HSD17B3: variants seen among roughly 807,000 people sequenced by gnomAD.
HSD17B3 encodes the protein 17-beta-hydroxysteroid dehydrogenase type 3.
In HSD17B3, 29 loss-of-function variants were observed where a neutral mutation model predicts 41.1. That is an observed-to-expected ratio of 0.71 (90% CI 0.53 to 0.96). The LOEUF is 0.96. Among genes scored for constraint, HSD17B3 ranks in the 40% least tolerant of loss-of-function variants. HSD17B3 has a pLI of 0.00. For missense variants in HSD17B3, 323 were observed against 374.6 expected (o/e 0.86, Z 1.14); for synonymous variants, 126 against 145.6 (o/e 0.87, Z 0.97).
chr9:96,295,311 A>G (rs1827313761), intron 2 of HSD17B3, among the ~76,000 whole-genome samples: 1 of 148,322 alleles, frequency 6.7e-6, no homozygotes, highest in Non-Finnish European at 1.5e-5. Flanking sequence ...GGCCACAAGG[A>G]GTTTTTTGGT....
chr9:96,268,315 G>A (rs1826115272), intron 2 of HSD17B3, among the ~76,000 whole-genome samples: 2 of 151,730 alleles, frequency 1.3e-5, no homozygotes, highest in African/African-American at 4.8e-5. Context: ...TCCTGCTTAG[G>A]TTTTTTTAAA....
At chr9:96,263,972 T>C (rs191275678) in intron 2 of HSD17B3, among the ~76,000 whole-genome samples, 1 of 152,238 alleles carries the variant, frequency 6.6e-6, no homozygotes, top group East Asian at 1.9e-4. Context: ...TTCTTTAAAA[T>C]TGATGAGAAC....
intron 2 of HSD17B3, among the ~76,000 whole-genome samples, chr9:96,264,016 AT>A (rs1436084035): frequency 6.6e-6 from 1 of 152,174 alleles, no homozygotes; most frequent in South Asian, 2.1e-4. Flanking sequence ...AAAAATAAGT[AT>A]GTGAAGTAAT....
At chr9:96,245,469 A>G in intron 7 of HSD17B3, 43 bp from the exon 8 acceptor site, 2 of 1,457,834 alleles carry the variant, frequency 1.4e-6, no homozygotes, top group East Asian at 2.3e-5. Context: ...TTGTTGCCCT[A>G]CCTGACCTTG....
chr9:96,274,245 C>T (rs917242816), intron 2 of HSD17B3, among the ~76,000 whole-genome samples: 1 of 152,076 alleles, frequency 6.6e-6, no homozygotes, highest in Admixed American at 6.5e-5. Flanking sequence ...TCGAGACCAA[C>T]TTGGCCAACA....
intron 2 of HSD17B3, among the ~76,000 whole-genome samples, chr9:96,267,572 ATTTC>A (rs1466833260): frequency 6.6e-6 from 1 of 152,184 alleles, no homozygotes; most frequent in Non-Finnish European, 1.5e-5. Context: ...AACATTTTTA[ATTTC>A]TTTAAAATTT....
chr9:96,252,115 T>G (rs1825439279), intron 4 of HSD17B3, among the ~76,000 whole-genome samples: 2 of 152,078 alleles, frequency 1.3e-5, no homozygotes, highest in African/African-American at 4.8e-5. Context: ...AATTCTCAAC[T>G]ATACTATTTC....
chr9:96,267,111 C>T (rs865786220), intron 2 of HSD17B3, among the ~76,000 whole-genome samples: 1 of 151,648 alleles, frequency 6.6e-6, no homozygotes, highest in African/African-American at 2.4e-5. Flanking sequence ...GCCAGACAAA[C>T]GCGGGAAAGA....
At chr9:96,250,215 T>C in intron 5 of HSD17B3, 1 of 1,133,464 alleles carries the variant, frequency 8.8e-7, no homozygotes, top group African/African-American at 1.6e-5. Flanking sequence ...ACCACTAGAA[T>C]GACCAAAGAT....
At chr9:96,276,777 T>C (rs1228493972) in intron 2 of HSD17B3, among the ~76,000 whole-genome samples, 1 of 152,212 alleles carries the variant, frequency 6.6e-6, no homozygotes, top group African/African-American at 2.4e-5. Context: ...AAGACTTAAA[T>C]GCAACCTCTA....
At chr9:96,276,029 T>C (rs887836581) in intron 2 of HSD17B3, among the ~76,000 whole-genome samples, 2 of 135,948 alleles carry the variant, frequency 1.5e-5, no homozygotes, top group African/African-American at 5.6e-5. Context: ...GCATGGAGCA[T>C]GGGGAAGTCA....
chr9:96,273,924 C>T (rs1826355423), intron 2 of HSD17B3, among the ~76,000 whole-genome samples: 1 of 152,148 alleles, frequency 6.6e-6, no homozygotes, highest in South Asian at 2.1e-4. Flanking sequence ...GAGGGTGTTT[C>T]CCCACCAAAG....
At chr9:96,300,253 C>CACAT (rs1564068379) in intron 1 of HSD17B3, among the ~76,000 whole-genome samples, 4 of 150,638 alleles carry the variant, frequency 2.7e-5, no homozygotes, top group Non-Finnish European at 5.9e-5. Flanking sequence ...CACACACACA[C>CACAT]GCACACAGCA....
In HSD17B3 at chr9:96,259,125, G is replaced by T. The variant is rs530338210; in HGVS notation, c.202-4182C>A. Among the ~76,000 whole-genome samples the T allele has an allele frequency of 2.6e-5, 4 of 152,242 alleles. No individual in the cohort carries two copies. In the South Asian group the frequency reaches 8.3e-4, roughly 32 times the overall value. On this transcript the variant is annotated intron_variant, in intron 2 of 10. Transcript: ENST00000375263. Reference sequence around the variant, plus strand: ...GAAGTGACCCGCATCCTTTCTGCTTGCTTTCATTTGCAGAATGAGTCGCAT... The same window carrying T: ...GAAGTGACCCGCATCCTTTCTGCTTTCTTTCATTTGCAGAATGAGTCGCAT...
rs113938377 is a variant in HSD17B3 at position 96,254,716 on chromosome 9, G to A, written c.277+152C>T. The A allele has an allele frequency of 7.9e-5, 56 of 709,272 alleles. 2 individuals carry two copies. The highest frequency in any genetic ancestry group is 4.7e-4 in the African/African-American group (27 of 57,212). The allele number at this position is 709,272 out of a possible 1,614,324, so 43.9% of individuals were successfully genotyped here. On this transcript the variant is annotated intron_variant, in intron 3 of 10. Transcript: ENST00000375263. Reference sequence around the variant, plus strand: ...CACTAAAGCTGACACCTTCTATCCCGCCCTCTGCTTTGTAACCGGGCTCCC... The same window carrying A: ...CACTAAAGCTGACACCTTCTATCCCACCCTCTGCTTTGTAACCGGGCTCCC...
At chr9:96,242,002 A>AAAGAAAGAAAGG in intron 9 of HSD17B3, among the ~76,000 whole-genome samples, 1 of 147,426 alleles carries the variant, frequency 6.8e-6, no homozygotes, top group Non-Finnish European at 1.5e-5. Context: ...AGAAAGAAAG[A>AAAGAAAGAAAGG]AAGAGAAAGA....
intron 2 of HSD17B3, among the ~76,000 whole-genome samples, chr9:96,292,662 G>C (rs1452242739): frequency 1.3e-5 from 2 of 152,156 alleles, no homozygotes; most frequent in African/African-American, 4.8e-5. Context: ...TTTGTGAAAA[G>C]ATGTAAACCT....
intron 2 of HSD17B3, among the ~76,000 whole-genome samples, chr9:96,276,107 TAAAAA>T (rs57386167): frequency 1.3e-3 from 53 of 41,148 alleles, no homozygotes; most frequent in Non-Finnish European, 1.6e-3. Context: ...TCCTGTCTCA[TAAAAA>T]AAAAAAAAAA....
chr9:96,246,463 G>T, intron 7 of HSD17B3, 93 bp downstream of exon 7: 1 of 1,095,422 alleles, frequency 9.1e-7, no homozygotes, highest in Non-Finnish European at 1.4e-6. Flanking sequence ...TTAAAGCACA[G>T]CCAGATGGAC....
Sources: gnomAD v4.1 joint callset for allele counts (sites outside exome capture counted in the v4.1 genomes callset) on GRCh38, gnomAD v4.1.1 for gene constraint, MANE v1.5 for transcripts, NCBI Gene and HGNC (gene_info 2026-07-23, HGNC 2026-07-21) for gene names.